The following PTPRB variants were observed in gnomAD, a reference collection of about 807,000 sequenced individuals.
The protein encoded by PTPRB is protein tyrosine phosphatase receptor type B.
PTPRB carries 97 observed loss-of-function variants against 238.1 expected under a neutral mutation model. The ratio of observed to expected loss-of-function variants is 0.41; its 90% CI spans 0.35 to 0.48. The LOEUF (loss-of-function observed/expected upper bound fraction) is 0.48. PTPRB is among the 20% of genes least tolerant of loss of function. The probability of loss-of-function intolerance (pLI) is 0.30; values close to 1 mark genes in which losing one functional copy is unlikely to be tolerated. For missense variants in PTPRB, 2,292 were observed against 2,681.9 expected (o/e 0.85, Z 3.21); for synonymous variants, 970 against 995.4 (o/e 0.97, Z 0.48).
chr12:70,571,719 A>T lies in PTPRB; in HGVS notation c.3106+105T>A, dbSNP rs895881673. The T allele has an allele frequency of 2.4e-6, 3 of 1,243,804 alleles. No individual in the cohort carries two copies. In the African/African-American group the frequency reaches 4.5e-5, roughly 19 times the overall value. The allele number at this position is 1,243,804 out of a possible 1,614,324, so 77.0% of individuals were successfully genotyped here. ...TTAGCACCAAGTGAGACTTACTGGG[A>T]ATGTAATGTACTAATGAATAAGCAG... On this transcript the variant is annotated intron_variant, in intron 12 of 33. Transcript: ENST00000334414.
chr12:70,548,346 TCACACACACA>T lies in PTPRB; in HGVS notation c.5388-3693_5388-3684del, dbSNP rs56848578. Reference sequence around the variant, plus strand: ...CTCTCTCTCTCTCTCTCTCTCTCTCTCACACACACACACACACACACACACACACACACAC... The same window carrying T: ...CTCTCTCTCTCTCTCTCTCTCTCTCTCACACACACACACACACACACACAC... On this transcript the variant is annotated intron_variant, in intron 21 of 33. Transcript: ENST00000334414. Among the ~76,000 whole-genome samples, 163 of 97,150 alleles carry T rather than the reference TCACACACACA, an allele frequency of 1.7e-3. 1 individual carries two copies. The highest frequency in any genetic ancestry group is 0.013 in the Middle Eastern group (2 of 154). The allele number at this position is 97,150 out of a possible 152,430, so 63.7% of individuals were successfully genotyped here. A position where few individuals can be genotyped will look rare whatever the true frequency, so the allele number is the denominator to read the frequency against.
chr12:70,549,553 C>T (rs1280463087), intron 21 of PTPRB, among the ~76,000 whole-genome samples: 1 of 152,190 alleles, frequency 6.6e-6, no homozygotes, highest in African/African-American at 2.4e-5. Context: ...TAGCATTTCC[C>T]ATTTCTCAAT....
chr12:70,559,159 T>A (rs893958158), intron 18 of PTPRB, 184 bp downstream of exon 18: 1 of 654,054 alleles, frequency 1.5e-6, no homozygotes, highest in Non-Finnish European at 2.6e-6. Context: ...CAGAGAGAGA[T>A]TTATTGTCCC....
At chr12:70,535,224 G>GTTTTT (rs71457059) in intron 29 of PTPRB, among the ~76,000 whole-genome samples, 1 of 81,984 alleles carries the variant, frequency 1.2e-5, no homozygotes, top group Non-Finnish European at 2.4e-5. Flanking sequence ...TATGGCTTGA[G>GTTTTT]TTTTTTTTTT....
rs763624042 is a variant in PTPRB at position 70,576,501 on chromosome 12, A to G, written c.2723T>C (p.Ile908Thr). ...HDGKVVQSLV[I>T]AKSVRECSFS... ...GGAACATTCTCTGACAGACTTGGCAATGACAAGGGACTGAACCACCTTGCC... is the reference window on the plus strand; with the variant it reads ...GGAACATTCTCTGACAGACTTGGCAGTGACAAGGGACTGAACCACCTTGCC... The change falls in exon 11 of 34, where the codon ATT becomes ACT. Residue 908 changes from isoleucine to threonine, a missense_variant. Physicochemically the swap from Ile to Thr is moderately conservative, Grantham distance 89 (BLOSUM62 -1). This residue lies in a region of PTPRB where 1,205 missense variants were observed against 1,287.8 expected (regional missense o/e 0.94). Transcript: ENST00000334414. The G allele has an allele frequency of 9.5e-6, 15 of 1,578,232 alleles. No homozygotes were observed. Among genetic ancestry groups the G allele is most frequent in the Admixed American group, 1.8e-5 (1 of 54,530 alleles).
chr12:70,545,192 T>G (rs35872779), intron 21 of PTPRB, among the ~76,000 whole-genome samples: 25,094 of 152,162 alleles, frequency 0.16, 2,441 homozygotes, highest in Non-Finnish European at 0.23. Context: ...ACTGGAAGAA[T>G]GGAGGTGTCA....
intron 4 of PTPRB, among the ~76,000 whole-genome samples, chr12:70,598,089 G>A (rs1455216944): frequency 6.6e-6 from 1 of 152,172 alleles, no homozygotes; most frequent in Non-Finnish European, 1.5e-5. Flanking sequence ...GGAAGACAAG[G>A]TTGCATGGTT....
chr12:70,598,216 C>T (rs1057060299), intron 4 of PTPRB, among the ~76,000 whole-genome samples: 1 of 145,946 alleles, frequency 6.9e-6, no homozygotes, highest in African/African-American at 2.6e-5. Flanking sequence ...ATTCCTTAAC[C>T]TCCCTGTGCC....
chr12:70,544,467 T>C, intron 22 of PTPRB, 90 bp downstream of exon 22: 2 of 867,784 alleles, frequency 2.3e-6, no homozygotes, highest in Middle Eastern at 2.2e-4. Context: ...AAAATAAATG[T>C]TCCCCCCACC....
chr12:70,520,497 T>A lies in PTPRB; in HGVS notation c.*992A>T. 4.7e-6 allele frequency: 1 copy of A among 210,590 alleles called. No homozygotes were observed. Among genetic ancestry groups the A allele is most frequent in the Non-Finnish European group, 9.7e-6 (1 of 102,788 alleles). The allele number at this position is 210,590 out of a possible 1,614,324, so 13.0% of individuals were successfully genotyped here. A position where few individuals can be genotyped will look rare whatever the true frequency, so the allele number is the denominator to read the frequency against. ...AAAATGTTGGCATTAAGCCTTTTAA[T>A]GAGGGGCACAATCTGCTACCATAAT... On this transcript the variant is annotated 3_prime_UTR_variant, in exon 34 of 34. Transcript: ENST00000334414.
Position 70,517,972 on chromosome 12 carries a change from G to C in PTPRB, c.*3517C>G, listed in dbSNP as rs1004280950. The C allele has an allele frequency of 4.6e-5, 7 of 152,186 alleles. No individual in the cohort carries two copies. Among genetic ancestry groups the C allele is most frequent in the African/African-American group, 1.7e-4 (7 of 41,432 alleles). 9.4% of individuals were successfully genotyped at this position (152,186 alleles called of 1,614,324 possible). On this transcript the variant is annotated 3_prime_UTR_variant, in exon 34 of 34. Transcript: ENST00000334414. ...CAAGAGAATCAGCATGTGAAGGGTA[G>C]CATGTGAGGTCTATTTTTATATTGC...
intron 8 of PTPRB, among the ~76,000 whole-genome samples, chr12:70,587,876 G>A (rs1179750193): frequency 6.6e-6 from 1 of 151,998 alleles, no homozygotes; most frequent in African/African-American, 2.4e-5. Flanking sequence ...CGAGGCGGGT[G>A]GATCACTTGA....
At chr12:70,561,055 T>G in intron 16 of PTPRB, 121 bp from the exon 17 acceptor site, 2 of 1,039,064 alleles carry the variant, frequency 1.9e-6, no homozygotes, top group South Asian at 3.1e-5. Context: ...AGTCAGATCT[T>G]GCCTACATTT....
intron 3 of PTPRB, among the ~76,000 whole-genome samples, chr12:70,615,735 T>TATGCA (rs1228545860): frequency 6.6e-6 from 1 of 152,216 alleles, no homozygotes; most frequent in Non-Finnish European, 1.5e-5. Context: ...GGGCAGTCTA[T>TATGCA]ATGGGTGTAG....
intron 3 of PTPRB, among the ~76,000 whole-genome samples, chr12:70,619,188 GTGTGTA>G (rs1463068104): frequency 6.6e-6 from 1 of 150,664 alleles, no homozygotes; most frequent in Admixed American, 6.6e-5. Flanking sequence ...GTGTGTGTGT[GTGTGTA>G]TACTCTTCTT....
intron 33 of PTPRB, 45 bp downstream of exon 33, chr12:70,524,426 A>C: frequency 4.5e-6 from 7 of 1,546,790 alleles, no homozygotes; most frequent in Non-Finnish European, 6.1e-6. Flanking sequence ...GATTGACCAT[A>C]TCTTGATGAA....
chr12:70,618,999 C>T (rs76263550), intron 3 of PTPRB, among the ~76,000 whole-genome samples: 6,784 of 152,154 alleles, frequency 0.045, 181 homozygotes, highest in African/African-American at 0.062. Flanking sequence ...AAAAGGAGAA[C>T]GGCAGGGAAT....
At position 70,520,789 on chromosome 12, in the gene PTPRB, C is replaced by T. The variant is rs1026716806; in HGVS notation, c.*700G>A. On this transcript the variant is annotated 3_prime_UTR_variant, in exon 34 of 34. Coordinates refer to ENST00000334414, the MANE Select transcript of PTPRB (RefSeq NM_001109754.4). Reference sequence around the variant, plus strand: ...GTTTGGAATCATTCTCTATCAGAACCCTCAACCCTGCATCCTACCATCCTG... The same window carrying T: ...GTTTGGAATCATTCTCTATCAGAACTCTCAACCCTGCATCCTACCATCCTG... 1 of 152,600 alleles carries T rather than the reference C, an allele frequency of 6.6e-6. No homozygotes were observed. The highest frequency in any genetic ancestry group is 1.5e-5 in the Non-Finnish European group (1 of 68,410). The allele number at this position is 152,600 out of a possible 1,614,324, so 9.5% of individuals were successfully genotyped here.
At chr12:70,634,256 A>G (rs1349708894) in intron 2 of PTPRB, among the ~76,000 whole-genome samples, 1 of 152,196 alleles carries the variant, frequency 6.6e-6, no homozygotes, top group Non-Finnish European at 1.5e-5. Context: ...TATAAGCCTC[A>G]CAAATCAACA....
Sources: allele counts gnomAD v4.1 joint callset (sites outside exome capture counted in the v4.1 genomes callset), GRCh38; gene constraint gnomAD v4.1.1; regional missense constraint gnomAD v4.1.1; transcripts MANE v1.5; gene names NCBI Gene and HGNC (gene_info 2026-07-23, HGNC 2026-07-21).